The following CLDN20 variants were observed in gnomAD, a reference collection of about 807,000 sequenced individuals.
The protein encoded by CLDN20 is claudin-20.
For synonymous variants in CLDN20, 104 were observed against 103.6 expected (o/e 1.00, Z -0.03); for missense variants, 258 against 267.9 (o/e 0.96, Z 0.26).
At chr6:155,275,529 G>A (rs1362230730) in intron 1 of CLDN20, 87 bp from the exon 2 acceptor site, 2 of 594,302 alleles carry the variant, frequency 3.4e-6, no homozygotes, top group Non-Finnish European at 6.0e-6. Flanking sequence ...GGGATACTCA[G>A]ATGTGTTCTT....
At chr6:155,271,999 TCAG>T (rs1475827012) in intron 1 of CLDN20, among the ~76,000 whole-genome samples, 4 of 152,204 alleles carry the variant, frequency 2.6e-5, no homozygotes, top group African/African-American at 7.2e-5. Flanking sequence ...TCTAACACCA[TCAG>T]CAGTTTTTAC....
At chr6:155,274,417 TAAAC>T (rs1220442711) in intron 1 of CLDN20, among the ~76,000 whole-genome samples, 1 of 152,320 alleles carries the variant, frequency 6.6e-6, no homozygotes, top group African/African-American at 2.4e-5. Context: ...CTCTTAAAAA[TAAAC>T]AAAGAAAATA....
intron 1 of CLDN20, among the ~76,000 whole-genome samples, chr6:155,272,165 G>A (rs1213929559): frequency 2.6e-5 from 4 of 152,144 alleles, no homozygotes; most frequent in African/African-American, 4.8e-5. Context: ...ACTGACCGAA[G>A]GAGTTAAGAC....
At chr6:155,266,691 C>T (rs1784647991) in intron 1 of CLDN20, among the ~76,000 whole-genome samples, 1 of 151,590 alleles carries the variant, frequency 6.6e-6, no homozygotes, top group Non-Finnish European at 1.5e-5. Context: ...CTAAAAAATA[C>T]AAAAAATTAG....
chr6:155,265,179 C>T lies in CLDN20; in HGVS notation c.-105+891C>T, dbSNP rs184844285. On this transcript the variant is annotated intron_variant, in intron 1 of 1. Coordinates refer to ENST00000367165, the MANE Select transcript of CLDN20 (RefSeq NM_001001346.3). ...TGGCAGGAGCTGCCTGAGGCAGCTTCGAGGCTGCCCAGCCGGGCCATGGGT... is the reference window on the plus strand; with the variant it reads ...TGGCAGGAGCTGCCTGAGGCAGCTTTGAGGCTGCCCAGCCGGGCCATGGGT... Among the ~76,000 whole-genome samples the T allele has an allele frequency of 4.0e-3, 604 of 152,044 alleles. 1 individual carries two copies. Among genetic ancestry groups the T allele is most frequent in the Non-Finnish European group, 6.9e-3 (469 of 68,020 alleles).
In CLDN20 at chr6:155,275,765, T is replaced by G; in HGVS notation, c.46T>G (p.Ser16Ala). The G allele has an allele frequency of 1.2e-6, 2 of 1,614,136 alleles. No homozygotes were observed. Among genetic ancestry groups the G allele is most frequent in the South Asian group, 2.2e-5 (2 of 91,074 alleles). ...LQLLAFILALSGVSGVLTATL... is the reference protein window; with the variant it reads ...LQLLAFILALAGVSGVLTATL... ...GCTCCTTGCTTTCATCCTGGCCTTA[T>G]CTGGGGTCTCTGGAGTGCTCACAGC... Residue 16 changes from serine (S) to alanine (A), a missense_variant, in exon 2 of 2, where the codon TCT becomes GCT. Coordinates refer to ENST00000367165, the MANE Select transcript of CLDN20 (RefSeq NM_001001346.3).
In CLDN20 at chr6:155,276,173, G is replaced by GAGAAA; in HGVS notation, c.454_455insAGAAA (p.Val152GlufsTer30). 6.2e-7 allele frequency: 1 copy of GAGAAA among 1,614,136 alleles called. No homozygotes were observed. Among genetic ancestry groups the GAGAAA allele is most frequent in the Non-Finnish European group, 8.5e-7 (1 of 1,180,002 alleles). On this transcript the variant is annotated frameshift_variant, in exon 2 of 2. Transcript: ENST00000367165. LOFTEE classifies it low-confidence loss of function (END_TRUNC). Reference sequence around the variant, plus strand: ...CATAGCAAACTTTCTGGATCTGACAGTTCCAGAAAGCAACAAACATGAACC... The same window carrying GAGAAA: ...CATAGCAAACTTTCTGGATCTGACAGAGAAATTCCAGAAAGCAACAAACATGAACC...
At chr6:155,268,965 AAAG>A (rs1454411997) in intron 1 of CLDN20, among the ~76,000 whole-genome samples, 1 of 127,392 alleles carries the variant, frequency 7.8e-6, no homozygotes, top group East Asian at 2.6e-4. Flanking sequence ...AAAAAAGAAA[AAAG>A]AAAAAAAATT....
intron 1 of CLDN20, among the ~76,000 whole-genome samples, chr6:155,265,367 G>A (rs540829775): frequency 6.6e-6 from 1 of 152,142 alleles, no homozygotes; most frequent in Non-Finnish European, 1.5e-5. Context: ...AAAAGACTGA[G>A]AAATAGAACA....
rs758409790 is a variant in CLDN20, at chr6:155,275,884, G to A, written c.165G>A (p.Thr55=). The A allele has an allele frequency of 7.4e-6, 12 of 1,613,984 alleles. 1 individual carries two copies. The highest frequency in any genetic ancestry group is 5.5e-5 in the South Asian group (5 of 91,076). ...TGCACGGGCTCTGGATGGACTGTAC[G>A]TGGTACAGCACTGGGATGTTCAGCT... ...VQLHGLWMDC[T]WYSTGMFSCA... Residue 55 remains threonine, a synonymous_variant, in exon 2 of 2, where the codon ACG becomes ACA. Coordinates refer to ENST00000367165, the MANE Select transcript of CLDN20 (RefSeq NM_001001346.3).
Position 155,275,671 on chromosome 6 carries a change from A to C in CLDN20, c.-49A>C. On this transcript the variant is annotated 5_prime_UTR_variant, in exon 2 of 2. Transcript: ENST00000367165. ...AATAGATAGAATTCTGACAGCCATC[A>C]TTGTTAAACATCAGGATTTTCTAAG... 1 of 1,512,984 alleles carries C rather than the reference A, an allele frequency of 6.6e-7. No individual in the cohort carries two copies. The highest frequency in any genetic ancestry group is 1.2e-5 in the South Asian group (1 of 80,594). The allele number at this position is 1,512,984 out of a possible 1,614,324, so 93.7% of individuals were successfully genotyped here.
rs1436022745 is a variant in CLDN20, at chr6:155,275,962, A to T, written c.243A>T (p.Arg81Ser). ...LSLPIHVQAA[R>S]ATMVLACVLS... ...TCCCCATCCACGTGCAGGCTGCGAG[A>T]GCCACCATGGTCCTGGCGTGTGTTC... Residue 81 changes from arginine to serine, a missense_variant, in exon 2 of 2, where the codon AGA becomes AGT. Physicochemically the swap from Arg to Ser is moderately radical, Grantham distance 110. Coordinates refer to ENST00000367165, the MANE Select transcript of CLDN20 (RefSeq NM_001001346.3). 2 of 1,614,156 alleles carry T rather than the reference A, an allele frequency of 1.2e-6. No individual in the cohort carries two copies. The highest frequency in any genetic ancestry group is 2.2e-5 in the South Asian group (2 of 91,090).
intron 1 of CLDN20, among the ~76,000 whole-genome samples, chr6:155,271,037 GAA>G: frequency 6.6e-6 from 1 of 152,138 alleles, no homozygotes; most frequent in East Asian, 1.9e-4. Context: ...TAGAAAAGAG[GAA>G]AAAGAGTATC....
At chr6:155,268,747 GCAGCATGCTTGCTAAGAGTCAT>G (rs1308254721) in intron 1 of CLDN20, among the ~76,000 whole-genome samples, 1 of 151,100 alleles carries the variant, frequency 6.6e-6, no homozygotes, top group Non-Finnish European at 1.5e-5. Flanking sequence ...ATGCTTGAAG[GCAGCATGCTTGCTAAGAGTCAT>G]CACCACTCCC....
At chr6:155,274,607 A>C (rs1448589147) in intron 1 of CLDN20, among the ~76,000 whole-genome samples, 1 of 152,246 alleles carries the variant, frequency 6.6e-6, no homozygotes, top group African/African-American at 2.4e-5. Context: ...CTTATATACA[A>C]AAAACAGTGG....
At chr6:155,270,358 G>A (rs1295967427) in intron 1 of CLDN20, among the ~76,000 whole-genome samples, 1 of 152,036 alleles carries the variant, frequency 6.6e-6, no homozygotes, top group African/African-American at 2.4e-5. Context: ...GAGAGTCTCT[G>A]GACTTAAAAG....
intron 1 of CLDN20, among the ~76,000 whole-genome samples, chr6:155,267,528 T>C (rs567889040): frequency 1.3e-5 from 2 of 152,334 alleles, no homozygotes; most frequent in East Asian, 3.9e-4. Context: ...GAGAAGCTTT[T>C]GGGTGTGGAC....
chr6:155,265,173 C>T (rs1784570929), intron 1 of CLDN20, among the ~76,000 whole-genome samples: 1 of 152,006 alleles, frequency 6.6e-6, no homozygotes, highest in African/African-American at 2.4e-5. Context: ...CTGCCTGAGG[C>T]AGCTTCGAGG....
intron 1 of CLDN20, among the ~76,000 whole-genome samples, chr6:155,270,944 TA>T (rs201715929): frequency 0.03 from 4,627 of 152,294 alleles, 112 homozygotes; most frequent in Non-Finnish European, 0.047. Flanking sequence ...CCAGTACACA[TA>T]AAGCTTACAA....
Sources: gnomAD v4.1 joint callset for allele counts (sites outside exome capture counted in the v4.1 genomes callset) on GRCh38, gnomAD v4.1.1 for gene constraint, MANE v1.5 for transcripts, NCBI Gene and HGNC (gene_info 2026-07-23, HGNC 2026-07-21) for gene names.